Variants in FGF14 observed in about 807,000 individuals in gnomAD.
FGF14 encodes fibroblast growth factor homologous factor 4.
FGF14 carries 5 observed loss-of-function variants against 25.5 expected under a neutral mutation model. The observed-to-expected ratio is 0.20, with a 90% CI of 0.10 to 0.41. FGF14 has a LOEUF of 0.41. Among genes scored for constraint, FGF14 ranks in the 10% least tolerant of loss-of-function variants. The pLI, the probability that FGF14 is intolerant of heterozygous loss-of-function variation, is 1.00. For missense variants in FGF14, 222 were observed against 320.1 expected (o/e 0.69, Z 2.34); for synonymous variants, 138 against 118.3 (o/e 1.17, Z -1.08).
intron 3 of FGF14, among the ~76,000 whole-genome samples, chr13:101,839,059 T>A (rs927232985): frequency 6.6e-6 from 1 of 152,030 alleles, no homozygotes; most frequent in African/African-American, 2.4e-5. Flanking sequence ...TCACCCAAGG[T>A]GTAGTCAAGG....
chr13:101,931,883 A>T (rs914302707), intron 1 of FGF14, among the ~76,000 whole-genome samples: 5 of 152,320 alleles, frequency 3.3e-5, no homozygotes, highest in South Asian at 4.1e-4. Flanking sequence ...TTAGTTTATT[A>T]TTTGAATCCA....
chr13:101,850,864 A>G (rs2043811287), intron 3 of FGF14, among the ~76,000 whole-genome samples: 1 of 151,638 alleles, frequency 6.6e-6, no homozygotes, highest in South Asian at 2.1e-4. Context: ...TAACCAAAAC[A>G]GTTTCATTTA....
chr13:101,777,038 T>G (rs1389803633), intron 3 of FGF14, among the ~76,000 whole-genome samples: 2 of 152,194 alleles, frequency 1.3e-5, no homozygotes, highest in South Asian at 2.1e-4. Flanking sequence ...GTTATTTGGC[T>G]TCTAGTTATA....
At chr13:101,979,131 T>C (rs1045493170) in intron 1 of FGF14, among the ~76,000 whole-genome samples, 3 of 152,196 alleles carry the variant, frequency 2.0e-5, no homozygotes, top group Non-Finnish European at 2.9e-5. Context: ...CTGGCTCTCA[T>C]CCCACCTGGG....
intron 1 of FGF14, among the ~76,000 whole-genome samples, chr13:101,926,289 C>T (rs866556022): frequency 1.2e-4 from 19 of 152,130 alleles, no homozygotes; most frequent in African/African-American, 4.3e-4. Flanking sequence ...CTTCCAAATA[C>T]CAGTTTTTAA....
At chr13:101,748,747 TAAAAAAAAAAA>T (rs55785965) in intron 3 of FGF14, among the ~76,000 whole-genome samples, 3 of 70,694 alleles carry the variant, frequency 4.2e-5, no homozygotes, top group Admixed American at 3.7e-4. Flanking sequence ...TGGAGGTTTC[TAAAAAAAAAAA>T]AAAAAAAAAA....
intron 3 of FGF14, among the ~76,000 whole-genome samples, chr13:101,733,543 G>A (rs537530101): frequency 2.7e-5 from 4 of 150,066 alleles, no homozygotes; most frequent in South Asian, 2.1e-4. Flanking sequence ...TGCAGTGAGC[G>A]GAGATTGTGC....
chr13:102,290,278 G>A (rs2054313325), intron 1 of FGF14, among the ~76,000 whole-genome samples: 10 of 152,058 alleles, frequency 6.6e-5, no homozygotes, highest in Admixed American at 6.6e-4. Flanking sequence ...TACCACCTGA[G>A]GAAGCAAGGA....
chr13:102,102,238 G>C (rs1026046196), intron 1 of FGF14, among the ~76,000 whole-genome samples: 3 of 152,208 alleles, frequency 2.0e-5, no homozygotes, highest in Non-Finnish European at 4.4e-5. Context: ...CAAGGTGTAA[G>C]AAGAAATGGC....
intron 1 of FGF14, among the ~76,000 whole-genome samples, chr13:102,141,226 T>C (rs1418723516): frequency 1.3e-5 from 2 of 152,110 alleles, no homozygotes; most frequent in Non-Finnish European, 2.9e-5. Flanking sequence ...CCCAGGAAAA[T>C]GGACGTGTTG....
intron 1 of FGF14, among the ~76,000 whole-genome samples, chr13:102,285,967 G>A (rs1331751541): frequency 6.6e-6 from 1 of 152,130 alleles, no homozygotes; most frequent in Non-Finnish European, 1.5e-5. Context: ...CATGGAACAG[G>A]ATTCAATAGC....
chr13:101,804,703 T>G (rs1566922819), intron 3 of FGF14, among the ~76,000 whole-genome samples: 1 of 152,160 alleles, frequency 6.6e-6, no homozygotes, highest in Non-Finnish European at 1.5e-5. Flanking sequence ...CACACATACA[T>G]ATATACATAC....
chr13:102,301,941 C>T (rs58677069), intron 1 of FGF14, among the ~76,000 whole-genome samples: 6 of 151,624 alleles, frequency 4.0e-5, no homozygotes, highest in Middle Eastern at 6.8e-3. Context: ...GAACACATGC[C>T]CACCACCATA....
chr13:102,326,371 T>C (rs1263916934), intron 1 of FGF14, among the ~76,000 whole-genome samples: 4 of 152,176 alleles, frequency 2.6e-5, no homozygotes, highest in African/African-American at 7.2e-5. Flanking sequence ...AAGTTCAATT[T>C]AAATAAATCA....
At chr13:102,060,182 A>C (rs2042617303) in intron 1 of FGF14, among the ~76,000 whole-genome samples, 1 of 152,078 alleles carries the variant, frequency 6.6e-6, no homozygotes. Flanking sequence ...CCCAAATCCT[A>C]AACATTTCTG....
At chr13:102,348,303 C>T (rs976432663) in intron 1 of FGF14, among the ~76,000 whole-genome samples, 18 of 152,128 alleles carry the variant, frequency 1.2e-4, no homozygotes, top group African/African-American at 4.3e-4. Flanking sequence ...GAACCAGTTT[C>T]CTAAAAGATC....
chr13:101,898,575 A>G (rs778666617), intron 1 of FGF14, among the ~76,000 whole-genome samples: 22 of 152,214 alleles, frequency 1.4e-4, no homozygotes, highest in Non-Finnish European at 2.5e-4. Flanking sequence ...CATGAGCTTT[A>G]TATAAGAAAA....
At chr13:102,071,648 C>T (rs1476917801) in intron 1 of FGF14, among the ~76,000 whole-genome samples, 1 of 152,142 alleles carries the variant, frequency 6.6e-6, no homozygotes, top group East Asian at 1.9e-4. Context: ...GATCCGTTTA[C>T]TTCTTTTCTG....
intron 1 of FGF14, among the ~76,000 whole-genome samples, chr13:101,957,564 C>A (rs1395494009): frequency 1.3e-5 from 2 of 152,112 alleles, no homozygotes; most frequent in Non-Finnish European, 2.9e-5. Flanking sequence ...GTTCAACCCA[C>A]CAAATCAGAC....
Sources: allele counts gnomAD v4.1 joint callset (sites outside exome capture counted in the v4.1 genomes callset), GRCh38; gene constraint gnomAD v4.1.1; transcripts MANE v1.5; gene names NCBI Gene and HGNC (gene_info 2026-07-23, HGNC 2026-07-21).